The following CSMD1 variants were observed in gnomAD, a reference collection of about 807,000 sequenced individuals.
CSMD1 encodes the protein CUB and Sushi multiple domains 1.
In CSMD1, 213 loss-of-function variants were observed where a neutral mutation model predicts 417.5. The observed-to-expected ratio is 0.51, with a 90% confidence interval of 0.46 to 0.57. The LOEUF is 0.57. Ranked by LOEUF, CSMD1 falls within the 20% of genes least tolerant of loss-of-function variation. The pLI is 0.00. For synonymous variants in CSMD1, 2,862 were observed against 1,736.8 expected, an observed-to-expected ratio of 1.65 and a Z score of -16.11; for missense variants, 6,923 against 4,529.7, an observed-to-expected ratio of 1.53 and a Z score of -15.17.
At chr8:4,495,901 C>G (rs1345760648) in intron 2 of CSMD1, among the ~76,000 whole-genome samples, 1 of 152,152 alleles carries the variant, frequency 6.6e-6, no homozygotes, top group African/African-American at 2.4e-5. Flanking sequence ...ATCTTACCCT[C>G]CTAACCCCAG....
At chr8:3,962,225 A>C (rs555289744) in intron 5 of CSMD1, among the ~76,000 whole-genome samples, 1 of 152,132 alleles carries the variant, frequency 6.6e-6, no homozygotes, top group Non-Finnish European at 1.5e-5. Context: ...GCACCTGTCA[A>C]GATTTTCTTC....
intron 39 of CSMD1, among the ~76,000 whole-genome samples, chr8:3,157,678 G>A (rs577028969): frequency 6.6e-6 from 1 of 152,350 alleles, no homozygotes; most frequent in African/African-American, 2.4e-5. Context: ...GTCTGTGCGG[G>A]CTGACCCAGA....
At chr8:4,147,180 C>A (rs1318356978) in intron 3 of CSMD1, among the ~76,000 whole-genome samples, 1 of 152,076 alleles carries the variant, frequency 6.6e-6, no homozygotes, top group Non-Finnish European at 1.5e-5. Context: ...GCCCCCACCA[C>A]CAGGCAACAC....
At chr8:4,168,792 CCCTTT>C (rs1348123896) in intron 3 of CSMD1, among the ~76,000 whole-genome samples, 4 of 152,238 alleles carry the variant, frequency 2.6e-5, no homozygotes, top group African/African-American at 9.6e-5. Context: ...CTCTCCTCTT[CCCTTT>C]CATTTTCCTT....
intron 10 of CSMD1, among the ~76,000 whole-genome samples, chr8:3,547,034 C>A (rs373462519): frequency 6.6e-6 from 1 of 152,150 alleles, no homozygotes. Flanking sequence ...CTGGTCAGGG[C>A]CCCTTCTCTG....
chr8:4,367,693 G>A (rs184602875), intron 3 of CSMD1, among the ~76,000 whole-genome samples: 21 of 152,220 alleles, frequency 1.4e-4, no homozygotes, highest in Admixed American at 1.2e-3. Context: ...CTGACCATGA[G>A]CACTGAATGG....
chr8:4,383,410 C>G (rs1414401755), intron 3 of CSMD1, among the ~76,000 whole-genome samples: 1 of 152,102 alleles, frequency 6.6e-6, no homozygotes, highest in African/African-American at 2.4e-5. Context: ...CATGCCTTGC[C>G]TCATTTCCGT....
chr8:3,958,745 G>C (rs1476252747), intron 5 of CSMD1, among the ~76,000 whole-genome samples: 3 of 152,122 alleles, frequency 2.0e-5, no homozygotes, highest in Non-Finnish European at 4.4e-5. Flanking sequence ...CTATGGGTGA[G>C]GTCACACAAA....
intron 1 of CSMD1, among the ~76,000 whole-genome samples, chr8:4,753,782 C>A (rs1003543788): frequency 6.6e-6 from 1 of 152,188 alleles, no homozygotes; most frequent in Non-Finnish European, 1.5e-5. Context: ...CTTTCCTCCC[C>A]ACCACTGCCT....
At chr8:4,786,605 C>T (rs1006642680) in intron 1 of CSMD1, among the ~76,000 whole-genome samples, 3 of 152,154 alleles carry the variant, frequency 2.0e-5, no homozygotes, top group Admixed American at 6.6e-5. Flanking sequence ...CATCAACATT[C>T]GTAAGATGAT....
chr8:3,397,843 G>C (rs1035167469), intron 16 of CSMD1, among the ~76,000 whole-genome samples: 1 of 152,104 alleles, frequency 6.6e-6, no homozygotes. Context: ...ACACCGCCTG[G>C]CAATACCATC....
At chr8:4,214,842 C>A (rs190628091) in intron 3 of CSMD1, among the ~76,000 whole-genome samples, 1 of 152,100 alleles carries the variant, frequency 6.6e-6, no homozygotes, top group African/African-American at 2.4e-5. Flanking sequence ...AATAAAAAAA[C>A]TATGACCACC....
intron 3 of CSMD1, among the ~76,000 whole-genome samples, chr8:4,393,217 C>A (rs1247341664): frequency 6.6e-6 from 1 of 152,006 alleles, no homozygotes; most frequent in Non-Finnish European, 1.5e-5. Context: ...CTAAATTGAT[C>A]TACCCACATC....
chr8:4,182,869 T>C (rs1049525211), intron 3 of CSMD1, among the ~76,000 whole-genome samples: 1 of 152,090 alleles, frequency 6.6e-6, no homozygotes, highest in African/African-American at 2.4e-5. Context: ...AGCATCAAAC[T>C]CAGAGTCTAG....
chr8:3,415,307 T>C (rs917419293), intron 12 of CSMD1, among the ~76,000 whole-genome samples: 2 of 152,224 alleles, frequency 1.3e-5, no homozygotes, highest in South Asian at 2.1e-4. Context: ...TAATACATTA[T>C]TATTAACCAT....
chr8:4,884,222 TACACACACAC>T (rs1162935233), intron 1 of CSMD1, among the ~76,000 whole-genome samples: 1 of 151,784 alleles, frequency 6.6e-6, no homozygotes, highest in African/African-American at 2.4e-5. Flanking sequence ...TGTGTGTGTG[TACACACACAC>T]ATACCTATGT....
Position 3,113,511 on chromosome 8 carries a change from C to T in CSMD1, c.6431-3176G>A, listed in dbSNP as rs559930076. 5.9e-5 allele frequency: 9 copies of T among 152,316 alleles called. No homozygotes were observed. The East Asian group carries it at 1.2e-3, about 20-fold the overall frequency. The allele number at this position is 152,316 out of a possible 1,614,324, so 9.4% of individuals were successfully genotyped here. A position where few individuals can be genotyped will look rare whatever the true frequency, so the allele number is the denominator to read the frequency against. On this transcript the variant is annotated intron_variant, in intron 42 of 69. Transcript: ENST00000635120. ...TTGATCCGATTCTAGAGCTAGCAGT[C>T]GCTGTGTTGAAAGTGATGGCGGTGA...
At chr8:4,892,761 T>C (rs1410074300) in intron 1 of CSMD1, among the ~76,000 whole-genome samples, 1 of 152,090 alleles carries the variant, frequency 6.6e-6, no homozygotes, top group Non-Finnish European at 1.5e-5. Flanking sequence ...TTTTATTCTT[T>C]GTATTATATA....
chr8:3,896,139 A>G (rs895031461), intron 5 of CSMD1, among the ~76,000 whole-genome samples: 6 of 152,182 alleles, frequency 3.9e-5, no homozygotes, highest in East Asian at 1.9e-4. Context: ...AACAAGCCCA[A>G]TTTGATTCAG....
Sources: allele counts gnomAD v4.1 joint callset (sites outside exome capture counted in the v4.1 genomes callset), GRCh38; gene constraint gnomAD v4.1.1; transcripts MANE v1.5; gene names NCBI Gene and HGNC (gene_info 2026-07-23, HGNC 2026-07-21).